The following RAI14 variants were observed in gnomAD, a reference collection of about 807,000 sequenced individuals.
The protein encoded by RAI14 is retinoic acid induced 14, also known as ankycorbin.
In RAI14, 45 loss-of-function variants were observed where a neutral mutation model predicts 115.4. The ratio of observed to expected loss-of-function variants is 0.39; its 90% confidence interval spans 0.31 to 0.50. The LOEUF is 0.50. RAI14 is among the 20% of genes least tolerant of loss of function. The pLI is 0.85. For synonymous variants in RAI14, 371 were observed against 415.4 expected (o/e 0.89, Z 1.30); for missense variants, 939 against 1,131.2 (o/e 0.83, Z 2.44).
At chr5:34,718,848 C>T (rs1742307692) in intron 2 of RAI14, among the ~76,000 whole-genome samples, 1 of 152,142 alleles carries the variant, frequency 6.6e-6, no homozygotes, top group Non-Finnish European at 1.5e-5. Flanking sequence ...ATAGTGCCTG[C>T]GCAGGAAAGG....
At chr5:34,819,754 AT>A (rs1470333854) in intron 13 of RAI14, among the ~76,000 whole-genome samples, 1 of 152,144 alleles carries the variant, frequency 6.6e-6, no homozygotes, top group East Asian at 1.9e-4. Flanking sequence ...ACTTAGAAAT[AT>A]TTTTTATTTA....
rs542030728 is a variant in RAI14 at position 34,821,963 on chromosome 5, A to C, written c.1113+113A>C. On this transcript the variant is annotated intron_variant, in intron 14 of 17. Transcript: ENST00000265109. ...GTACATTAGTTTCTTTTTAAATATT[A>C]GCTTTAAGCATCTTATAGTTTCAGA... is the stretch of plus-strand genomic sequence containing the variant. 80 of 548,422 alleles carry C rather than the reference A, an allele frequency of 1.5e-4. 1 individual carries two copies. The highest frequency in any genetic ancestry group is 7.8e-4 in the Admixed American group (26 of 33,540). The allele number at this position is 548,422 out of a possible 1,614,324, so 34.0% of individuals were successfully genotyped here.
chr5:34,766,874 G>A (rs921673245), intron 3 of RAI14, among the ~76,000 whole-genome samples: 3 of 152,192 alleles, frequency 2.0e-5, no homozygotes, highest in African/African-American at 7.2e-5. Flanking sequence ...CCCAGTGGGA[G>A]ATAATTTGAA....
At chr5:34,716,848 G>C (rs759867980) in intron 2 of RAI14, 1 of 152,196 alleles carries the variant, frequency 6.6e-6, no homozygotes, top group Non-Finnish European at 1.5e-5. Context: ...CCATGGAGAA[G>C]AGTTTTCTTC....
chr5:34,760,619 G>C (rs771167304), intron 3 of RAI14, among the ~76,000 whole-genome samples: 1 of 152,216 alleles, frequency 6.6e-6, no homozygotes, highest in Non-Finnish European at 1.5e-5. Flanking sequence ...ACTTACTAAA[G>C]AGAAGACAGA....
At chr5:34,758,478 G>A (rs1005398666) in intron 3 of RAI14, among the ~76,000 whole-genome samples, 5 of 152,036 alleles carry the variant, frequency 3.3e-5, no homozygotes, top group South Asian at 2.1e-4. Context: ...TTCTATAGCC[G>A]GTGATCCCAG....
intron 2 of RAI14, among the ~76,000 whole-genome samples, chr5:34,696,225 G>T (rs1739213380): frequency 6.6e-6 from 1 of 152,060 alleles, no homozygotes; most frequent in Non-Finnish European, 1.5e-5. Flanking sequence ...TGCAACCTCC[G>T]CCTCCCGGGT....
At chr5:34,662,721 AT>A (rs746930489) in intron 1 of RAI14, among the ~76,000 whole-genome samples, 32 of 91,916 alleles carry the variant, frequency 3.5e-4, no homozygotes, top group African/African-American at 8.4e-4. Flanking sequence ...ATTTAAACAG[AT>A]TTTTTTTTTT....
chr5:34,729,274 G>A (rs530709834), intron 2 of RAI14, among the ~76,000 whole-genome samples: 3 of 151,460 alleles, frequency 2.0e-5, no homozygotes, highest in African/African-American at 4.9e-5. Context: ...GCTTGAGCCC[G>A]GGAAGTTGAG....
At position 34,828,778 on chromosome 5, in the gene RAI14, C is replaced by T. The variant is rs145380806; in HGVS notation, c.2800-954C>T. On this transcript the variant is annotated intron_variant, in intron 16 of 17. Transcript: ENST00000265109. ...CAACAAGGAGAAATAGAAGCATCAGCGGCTGTATTGAGGAACCACTGGAGA... is the reference window on the plus strand; with the variant it reads ...CAACAAGGAGAAATAGAAGCATCAGTGGCTGTATTGAGGAACCACTGGAGA... Among the ~76,000 whole-genome samples, 109 of 152,196 alleles carry T rather than the reference C, an allele frequency of 7.2e-4. 1 individual carries two copies. The highest frequency in any genetic ancestry group is 2.3e-3 in the African/African-American group (97 of 41,514).
chr5:34,727,149 G>A (rs927076965), intron 2 of RAI14, among the ~76,000 whole-genome samples: 6 of 152,166 alleles, frequency 3.9e-5, no homozygotes, highest in African/African-American at 1.4e-4. Context: ...CTGAAGTGGT[G>A]TCAGATGGAT....
chr5:34,687,100 G>A (rs1744975496), intron 2 of RAI14, 145 bp downstream of exon 2: 1 of 698,948 alleles, frequency 1.4e-6, no homozygotes. Context: ...GGTAGCTTCT[G>A]TAGATGGCAT....
intron 3 of RAI14, among the ~76,000 whole-genome samples, chr5:34,769,936 C>T (rs902785960): frequency 6.6e-6 from 1 of 152,090 alleles, no homozygotes; most frequent in Non-Finnish European, 1.5e-5. Flanking sequence ...ACCATGTTGG[C>T]CAGGCTGGTC....
chr5:34,776,416 T>C (rs1750840986), intron 3 of RAI14, among the ~76,000 whole-genome samples: 1 of 152,166 alleles, frequency 6.6e-6, no homozygotes, highest in African/African-American at 2.4e-5. Flanking sequence ...TGAAAGAGTA[T>C]AATTGAGTTG....
chr5:34,793,958 C>T (rs76471058), intron 3 of RAI14, among the ~76,000 whole-genome samples: 272 of 152,242 alleles, frequency 1.8e-3, no homozygotes, highest in African/African-American at 6.2e-3. Context: ...TGCACTATTA[C>T]TAAGGCTGGG....
chr5:34,760,530 T>C (rs1748498728), intron 3 of RAI14, among the ~76,000 whole-genome samples: 1 of 152,174 alleles, frequency 6.6e-6, no homozygotes, highest in Non-Finnish European at 1.5e-5. Context: ...GGTTTGCACA[T>C]GTTTGTGCAA....
Position 34,823,849 on chromosome 5 carries a change from G to A in RAI14, c.2007G>A (p.Glu669=), listed in dbSNP as rs1003418506. Residue 669 remains glutamate (E), a synonymous_variant, in exon 15 of 18, where the codon GAG becomes GAA. Coordinates refer to ENST00000265109, the MANE Select transcript of RAI14 (RefSeq NM_015577.3). This position sits in a 1 kb window ranked among gnomAD's most constrained non-coding sequence, Gnocchi z 4.5. ...LEDYRKRKSL[E]DVTAEYIHKA... Reference sequence around the variant, plus strand: ...ATTACAGGAAGAGGAAATCTCTAGAGGATGTCACAGCTGAATATATCCATA... The same window carrying A: ...ATTACAGGAAGAGGAAATCTCTAGAAGATGTCACAGCTGAATATATCCATA... 5 of 1,614,048 alleles carry A rather than the reference G, an allele frequency of 3.1e-6. No homozygotes were observed. In the Middle Eastern group the frequency reaches 4.9e-4, roughly 159 times the overall value.
At chr5:34,687,688 A>C in intron 2 of RAI14, 1 of 1,551,602 alleles carries the variant, frequency 6.4e-7, no homozygotes, top group African/African-American at 1.4e-5. Context: ...GTGGAGTGGG[A>C]GAAATTAATG....
chr5:34,737,770 A>T (rs1284817409), intron 2 of RAI14, among the ~76,000 whole-genome samples: 1 of 152,052 alleles, frequency 6.6e-6, no homozygotes, highest in Admixed American at 6.6e-5. Flanking sequence ...AAAACAAAAA[A>T]CAAAACCAAA....
Sources: gnomAD v4.1 joint callset for allele counts (sites outside exome capture counted in the v4.1 genomes callset) on GRCh38, gnomAD v4.1.1 for gene constraint, Gnocchi (gnomAD v3.1) non-coding constraint, MANE v1.5 for transcripts, NCBI Gene and HGNC (gene_info 2026-07-23, HGNC 2026-07-21) for gene names.